MRPL3: variants seen among roughly 807,000 people sequenced by gnomAD.
The protein encoded by MRPL3 is mitochondrial ribosomal protein L3, also known as large ribosomal subunit protein uL3m.
MRPL3 carries 43 observed loss-of-function variants against 44.3 expected under a neutral mutation model. The ratio of observed to expected loss-of-function variants is 0.97; its 90% confidence interval spans 0.76 to 1.25. The LOEUF (loss-of-function observed/expected upper bound fraction) is 1.25, where lower values mean the gene tolerates loss of function less well. MRPL3 is among the 50% of genes most tolerant of loss of function. MRPL3 has a pLI of 0.00. For synonymous variants in MRPL3, 171 were observed against 152.3 expected, an observed-to-expected ratio of 1.12 and a Z score of -0.91; for missense variants, 406 against 427.6, an observed-to-expected ratio of 0.95 and a Z score of 0.45.
At chr3:131,486,443 A>T (rs1483937519) in intron 6 of MRPL3, among the ~76,000 whole-genome samples, 1 of 148,062 alleles carries the variant, frequency 6.8e-6, no homozygotes, top group African/African-American at 2.5e-5. Context: ...ATGGGAGAAA[A>T]ATTTTTTTTT....
intron 9 of MRPL3, among the ~76,000 whole-genome samples, chr3:131,466,225 A>C (rs1287081626): frequency 6.6e-6 from 1 of 152,190 alleles, no homozygotes. Context: ...AAAAAAATAT[A>C]TAAGGAAACA....
At chr3:131,482,405 C>T (rs569662321) in intron 6 of MRPL3, among the ~76,000 whole-genome samples, 12 of 151,958 alleles carry the variant, frequency 7.9e-5, no homozygotes, top group African/African-American at 2.9e-4. Context: ...AGTCCAGCTA[C>T]TCGGGAGGCT....
chr3:131,496,011 T>C (rs1164123959), intron 4 of MRPL3, among the ~76,000 whole-genome samples: 1 of 152,188 alleles, frequency 6.6e-6, no homozygotes, highest in Non-Finnish European at 1.5e-5. Context: ...TCTCACTACC[T>C]CATATTTCAG....
intron 2 of MRPL3, 22 bp from the exon 3 acceptor site, chr3:131,500,543 A>AT (rs780740435): frequency 6.3e-7 from 1 of 1,594,030 alleles, no homozygotes; most frequent in South Asian, 1.1e-5. Context: ...AACCAAAGCA[A>AT]TGTGAACAAA....
intron 6 of MRPL3, among the ~76,000 whole-genome samples, chr3:131,477,166 A>T (rs1225906586): frequency 6.6e-6 from 1 of 152,196 alleles, no homozygotes; most frequent in Non-Finnish European, 1.5e-5. Flanking sequence ...ACTGCCTTTC[A>T]TTGCATGATT....
At chr3:131,493,887 A>G (rs1314871956) in intron 4 of MRPL3, among the ~76,000 whole-genome samples, 1 of 152,252 alleles carries the variant, frequency 6.6e-6, no homozygotes, top group Non-Finnish European at 1.5e-5. Flanking sequence ...ATAACAAAGT[A>G]TCCTTCCCCC....
Position 131,469,552 on chromosome 3 carries a change from ACACAC to A in MRPL3, c.816+139_816+143del, listed in dbSNP as rs1224663176. ...AGAGTGTACACACACACACACACACACACACAATTCATGTATCCTCTTTTCCTCAA... is the reference window on the plus strand; with the variant it reads ...AGAGTGTACACACACACACACACACAAATTCATGTATCCTCTTTTCCTCAA... On this transcript the variant is annotated intron_variant, in intron 8 of 9. Coordinates refer to ENST00000264995, the MANE Select transcript of MRPL3 (RefSeq NM_007208.4). 46 of 577,670 alleles carry A rather than the reference ACACAC, an allele frequency of 8.0e-5. No homozygotes were observed. In the Middle Eastern group the frequency reaches 6.4e-3, roughly 81 times the overall value. The allele number at this position is 577,670 out of a possible 1,614,324, so 35.8% of individuals were successfully genotyped here.
At chr3:131,471,107 T>C (rs918937428) in intron 7 of MRPL3, 64 bp downstream of exon 7, 2 of 1,125,932 alleles carry the variant, frequency 1.8e-6, no homozygotes, top group Non-Finnish European at 2.7e-6. Flanking sequence ...AAGGACGGAC[T>C]GAGGACTACA....
intron 6 of MRPL3, among the ~76,000 whole-genome samples, chr3:131,476,016 T>C (rs967554643): frequency 3.3e-5 from 5 of 152,196 alleles, no homozygotes; most frequent in Non-Finnish European, 7.4e-5. Flanking sequence ...TTAAAACTGA[T>C]GATCTCTTAC....
At chr3:131,479,291 C>T (rs1559820176) in intron 6 of MRPL3, 1 of 400,686 alleles carries the variant, frequency 2.5e-6, no homozygotes, top group South Asian at 2.0e-5. Context: ...GTGACTTGTA[C>T]ATATATCACT....
At chr3:131,491,205 C>CAGCACTTTCAGCTCCT (rs1297588834) in intron 4 of MRPL3, among the ~76,000 whole-genome samples, 1 of 152,160 alleles carries the variant, frequency 6.6e-6, no homozygotes, top group Non-Finnish European at 1.5e-5. Flanking sequence ...CCAGTTTAAT[C>CAGCACTTTCAGCTCCT]AGCACTTTCA....
At chr3:131,485,938 G>T (rs1934108068) in intron 6 of MRPL3, among the ~76,000 whole-genome samples, 1 of 152,098 alleles carries the variant, frequency 6.6e-6, no homozygotes, top group South Asian at 2.1e-4. Context: ...TTTTCAGAGG[G>T]TTCCTAGTCA....
At chr3:131,467,899 A>G (rs1487640953) in intron 9 of MRPL3, among the ~76,000 whole-genome samples, 192 bp downstream of exon 9, 1 of 152,158 alleles carries the variant, frequency 6.6e-6, no homozygotes, top group East Asian at 1.9e-4. Flanking sequence ...GTGCTACTAA[A>G]AAGCAGAAAG....
intron 4 of MRPL3, among the ~76,000 whole-genome samples, chr3:131,497,106 T>C (rs1934385716): frequency 6.6e-6 from 1 of 152,252 alleles, no homozygotes; most frequent in South Asian, 2.1e-4. Context: ...TCTGTGCTCC[T>C]TGGATTTATA....
chr3:131,481,176 A>G (rs1933977775), intron 6 of MRPL3, among the ~76,000 whole-genome samples: 1 of 152,246 alleles, frequency 6.6e-6, no homozygotes. Flanking sequence ...AAAATTACCT[A>G]GAGTGTTTTG....
chr3:131,490,923 T>C (rs1934241914), intron 4 of MRPL3, among the ~76,000 whole-genome samples: 1 of 152,222 alleles, frequency 6.6e-6, no homozygotes, highest in African/African-American at 2.4e-5. Flanking sequence ...GAGCTCTCCA[T>C]ACTTTTATTA....
At position 131,486,364 on chromosome 3, in the gene MRPL3, C is replaced by CAAAAAAAAAAAAAA. The variant is rs36151946; in HGVS notation, c.629+1302_629+1315dup. On this transcript the variant is annotated intron_variant, in intron 6 of 9. Transcript: ENST00000264995. ...ATTAAACCAAAGAGCTTCTGCACGG[C>CAAAAAAAAAAAAAA]AAAAAAAAAAAAAAAAAAAAAAAAA... 6.4e-5 allele frequency among the ~76,000 whole-genome samples: 3 copies of CAAAAAAAAAAAAAA among 46,706 alleles called. 1 individual carries two copies. Among genetic ancestry groups the CAAAAAAAAAAAAAA allele is most frequent in the Non-Finnish European group, 1.0e-4 (3 of 28,670 alleles). 30.6% of individuals were successfully genotyped at this position (46,706 alleles called of 152,430 possible).
At chr3:131,491,901 G>A (rs575341172) in intron 4 of MRPL3, among the ~76,000 whole-genome samples, 33 of 152,148 alleles carry the variant, frequency 2.2e-4, no homozygotes, top group African/African-American at 7.0e-4. Context: ...ACTTCTTACA[G>A]AATCAAGTCC....
At chr3:131,484,481 T>C (rs1281059179) in intron 6 of MRPL3, among the ~76,000 whole-genome samples, 1 of 152,196 alleles carries the variant, frequency 6.6e-6, no homozygotes, top group African/African-American at 2.4e-5. Flanking sequence ...GCACATATTG[T>C]TCCCCTAGTG....
Sources: allele counts gnomAD v4.1 joint callset (sites outside exome capture counted in the v4.1 genomes callset), GRCh38; gene constraint gnomAD v4.1.1; transcripts MANE v1.5; gene names NCBI Gene and HGNC (gene_info 2026-07-23, HGNC 2026-07-21).